The following SGK1 variants were observed in gnomAD, a reference collection of about 807,000 sequenced individuals.
SGK1 encodes serine/threonine-protein kinase Sgk1.
SGK1 carries 26 observed loss-of-function variants against 64.2 expected under a neutral mutation model. The observed-to-expected ratio is 0.40, with a 90% CI of 0.30 to 0.56. The LOEUF (loss-of-function observed/expected upper bound fraction) is 0.56, where lower values mean the gene tolerates loss of function less well. Ranked by LOEUF, SGK1 falls within the 20% of genes least tolerant of loss-of-function variation. The pLI is 0.38. For synonymous variants in SGK1, 265 were observed against 239.7 expected, an observed-to-expected ratio of 1.11 and a Z score of -0.98; for missense variants, 519 against 645.6, an observed-to-expected ratio of 0.80 and a Z score of 2.12.
chr6:134,261,905 A>T (rs1214848746), intron 2 of SGK1, 28 bp downstream of exon 2: 15 of 1,536,296 alleles, frequency 9.8e-6, no homozygotes, highest in Non-Finnish European at 1.4e-5. Context: ...TTTCCAGGAG[A>T]ATAGATCCAG....
chr6:134,252,274 C>G (rs1186968318), intron 2 of SGK1, among the ~76,000 whole-genome samples: 1 of 152,112 alleles, frequency 6.6e-6, no homozygotes, highest in Non-Finnish European at 1.5e-5. Flanking sequence ...CCCCAGGAAA[C>G]AGGATTGGAA....
intron 1 of SGK1, among the ~76,000 whole-genome samples, chr6:134,314,415 G>A (rs74298556): frequency 0.023 from 3,562 of 152,298 alleles, 59 homozygotes; most frequent in East Asian, 0.067. Context: ...AGAGTGGTCT[G>A]AAATCAAAAA....
intron 2 of SGK1, among the ~76,000 whole-genome samples, chr6:134,237,342 C>A (rs544391890): frequency 6.1e-4 from 93 of 151,862 alleles, no homozygotes; most frequent in African/African-American, 2.1e-3. Flanking sequence ...CAGTCATGAG[C>A]CACTGTGCCT....
intron 3 of SGK1, 155 bp from the exon 4 acceptor site, chr6:134,174,741 T>G (rs376300142): frequency 2.5e-6 from 4 of 1,614,052 alleles, no homozygotes; most frequent in South Asian, 2.2e-5. Context: ...CCGATGAGAA[T>G]TGCCACCATG....
At chr6:134,215,707 C>A (rs1157391300) in intron 2 of SGK1, among the ~76,000 whole-genome samples, 1 of 151,606 alleles carries the variant, frequency 6.6e-6, no homozygotes, top group Non-Finnish European at 1.5e-5. Context: ...ATGGCAAAAC[C>A]CCGTCTCTAC....
rs55961794 is a variant in SGK1 at position 134,317,736 on chromosome 6, T to A, written c.-276A>T. The A allele has an allele frequency of 2.6e-6, 1 of 381,066 alleles. No homozygotes were observed. The highest frequency in any genetic ancestry group is 4.7e-6 in the Non-Finnish European group (1 of 211,034). 23.6% of individuals were successfully genotyped at this position (381,066 alleles called of 1,614,324 possible). A position where few individuals can be genotyped will look rare whatever the true frequency, so the allele number is the denominator to read the frequency against. ...CTGCAGGACCCTGGGGGCCGGACGG[T>A]GGGATACGGCCAATCTCCGGGGAGA... On this transcript the variant is annotated 5_prime_UTR_variant, in exon 1 of 14. Coordinates refer to ENST00000367858, the MANE Select transcript of SGK1 (RefSeq NM_001143676.3).
intron 2 of SGK1, among the ~76,000 whole-genome samples, chr6:134,209,240 C>A (rs888424921): frequency 1.3e-5 from 2 of 152,042 alleles, no homozygotes; most frequent in Admixed American, 6.6e-5. Flanking sequence ...TCGAGACCAA[C>A]CTGGCCAACA....
chr6:134,175,650 C>A, intron 3 of SGK1: 1 of 1,521,670 alleles, frequency 6.6e-7, no homozygotes, highest in Non-Finnish European at 8.8e-7. Context: ...GCGCGCCCTG[C>A]ATCTCCCCCA....
intron 3 of SGK1, among the ~76,000 whole-genome samples, chr6:134,180,952 T>C (rs577376959): frequency 6.6e-6 from 1 of 152,034 alleles, no homozygotes; most frequent in African/African-American, 2.4e-5. Flanking sequence ...AAAGGCCACT[T>C]GTCAACTCAA....
At chr6:134,312,194 C>T (rs563165651) in intron 1 of SGK1, among the ~76,000 whole-genome samples, 4 of 152,286 alleles carry the variant, frequency 2.6e-5, no homozygotes, top group African/African-American at 9.6e-5. Flanking sequence ...CCCTCAGTTT[C>T]CTTGGCTATA....
intron 3 of SGK1, among the ~76,000 whole-genome samples, chr6:134,194,581 C>A (rs530921096): frequency 4.0e-5 from 6 of 150,540 alleles, no homozygotes; most frequent in Admixed American, 3.3e-4. Context: ...TGCAGTGGCA[C>A]GATCTCGGCT....
At chr6:134,176,336 G>C (rs1418037118) in intron 3 of SGK1, among the ~76,000 whole-genome samples, 2 of 152,236 alleles carry the variant, frequency 1.3e-5, no homozygotes, top group African/African-American at 4.8e-5. Flanking sequence ...CATAAACTGT[G>C]ACTTTATCCT....
intron 1 of SGK1, among the ~76,000 whole-genome samples, chr6:134,277,673 C>T (rs1777037870): frequency 6.6e-6 from 1 of 152,116 alleles, no homozygotes; most frequent in African/African-American, 2.4e-5. Flanking sequence ...TTCCTTTCTC[C>T]ACTCCCCTAA....
chr6:134,246,213 A>G (rs897457073), intron 2 of SGK1, among the ~76,000 whole-genome samples: 1 of 151,672 alleles, frequency 6.6e-6, no homozygotes, highest in African/African-American at 2.4e-5. Context: ...CAATAGCACT[A>G]TCTCGGCTCA....
chr6:134,282,410 G>A (rs560477529), intron 1 of SGK1, among the ~76,000 whole-genome samples: 26 of 152,246 alleles, frequency 1.7e-4, no homozygotes, highest in African/African-American at 5.8e-4. Context: ...CCCAGCACTT[G>A]GGAGGCCAAG....
chr6:134,186,043 C>A (rs1775418541), intron 3 of SGK1, among the ~76,000 whole-genome samples: 1 of 152,066 alleles, frequency 6.6e-6, no homozygotes, highest in African/African-American at 2.4e-5. Flanking sequence ...TTGGAGGCAC[C>A]CTTAAGGCCA....
intron 2 of SGK1, among the ~76,000 whole-genome samples, chr6:134,248,088 G>GA (rs930183015): frequency 6.6e-6 from 1 of 151,804 alleles, no homozygotes; most frequent in Non-Finnish European, 1.5e-5. Context: ...AAATCACTCA[G>GA]AAAAAAACAC....
chr6:134,213,020 G>T (rs1356583265), intron 2 of SGK1, among the ~76,000 whole-genome samples: 1 of 152,086 alleles, frequency 6.6e-6, no homozygotes, highest in Non-Finnish European at 1.5e-5. Context: ...CTTGTTCTCT[G>T]TGTCATTATC....
chr6:134,220,954 C>G (rs1337780509), intron 2 of SGK1, among the ~76,000 whole-genome samples: 2 of 150,804 alleles, frequency 1.3e-5, no homozygotes, highest in Non-Finnish European at 2.9e-5. Flanking sequence ...AGCACTCCAG[C>G]CTGATCAACA....
Sources: allele counts gnomAD v4.1 joint callset (sites outside exome capture counted in the v4.1 genomes callset), GRCh38; gene constraint gnomAD v4.1.1; transcripts MANE v1.5; gene names NCBI Gene and HGNC (gene_info 2026-07-23, HGNC 2026-07-21).